Variants in IFT20 observed in about 807,000 individuals in gnomAD.
IFT20 encodes the protein intraflagellar transport 20.
IFT20 carries 4 observed loss-of-function variants against 16.9 expected under a neutral mutation model. The ratio of observed to expected loss-of-function variants is 0.24; its 90% confidence interval spans 0.12 to 0.54. The LOEUF is 0.54. IFT20 is among the 20% of genes least tolerant of loss of function. The pLI, the probability that IFT20 is intolerant of heterozygous loss-of-function variation, is 0.95. For synonymous variants in IFT20, 48 were observed against 49.9 expected (o/e 0.96, Z 0.16); for missense variants, 154 against 149.7 (o/e 1.03, Z -0.15).
intron 3 of IFT20, chr17:28,330,199 G>A: frequency 1.6e-6 from 1 of 615,096 alleles, no homozygotes; most frequent in Non-Finnish European, 2.9e-6. Context: ...TTGCACCAGT[G>A]CACTCCAGCC....
intron 3 of IFT20, 190 bp from the exon 4 acceptor site, chr17:28,329,466 C>T (rs1349270770): frequency 3.5e-6 from 2 of 567,176 alleles, no homozygotes; most frequent in African/African-American, 3.8e-5. Flanking sequence ...AACTAGACGG[C>T]AGCTTTGAGG....
intron 2 of IFT20, among the ~76,000 whole-genome samples, chr17:28,330,766 A>G (rs1555576463): frequency 1.3e-5 from 2 of 152,208 alleles, no homozygotes; most frequent in Admixed American, 1.3e-4. Flanking sequence ...GTGAACTGCC[A>G]CTGCATTCCA....
chr17:28,335,097 C>T (rs1555577148), intron 1 of IFT20, among the ~76,000 whole-genome samples: 1 of 152,168 alleles, frequency 6.6e-6, no homozygotes, highest in African/African-American at 2.4e-5. Flanking sequence ...CGAGGCACTG[C>T]GAGCCGACTC....
intron 2 of IFT20, 115 bp downstream of exon 2, chr17:28,331,744 C>T (rs1018351558): frequency 4.4e-6 from 6 of 1,373,144 alleles, no homozygotes; most frequent in Non-Finnish European, 6.1e-6. Context: ...TCACAGACGC[C>T]AGATTCAACC....
intron 1 of IFT20, among the ~76,000 whole-genome samples, chr17:28,333,468 T>G (rs1555576886): frequency 6.6e-6 from 1 of 152,156 alleles, no homozygotes; most frequent in Non-Finnish European, 1.5e-5. Flanking sequence ...AAATTTTAAG[T>G]AAGGGGGAAA....
intron 3 of IFT20, chr17:28,329,733 C>T (rs1906607993): frequency 6.1e-6 from 1 of 164,754 alleles, no homozygotes. Flanking sequence ...TGCAACCAGC[C>T]TGGCCAACAT....
intron 1 of IFT20, among the ~76,000 whole-genome samples, chr17:28,333,880 G>A (rs929437467): frequency 2.6e-5 from 4 of 151,952 alleles, no homozygotes; most frequent in South Asian, 2.1e-4. Flanking sequence ...GCAGTGAGCC[G>A]TGTTCACACC....
intron 1 of IFT20, among the ~76,000 whole-genome samples, chr17:28,334,975 A>G (rs1438550724): frequency 6.6e-6 from 1 of 152,046 alleles, no homozygotes; most frequent in Non-Finnish European, 1.5e-5. Context: ...ACCAACTCCC[A>G]TCACACGCGT....
chr17:28,333,072 AACACACACACAC>A (rs56753724), intron 1 of IFT20, among the ~76,000 whole-genome samples: 269 of 144,580 alleles, frequency 1.9e-3, no homozygotes, highest in Non-Finnish European at 2.9e-3. Flanking sequence ...TCTGGCTCAA[AACACACACACAC>A]ACACACACAC....
intron 1 of IFT20, among the ~76,000 whole-genome samples, chr17:28,334,825 G>A (rs1907028209): frequency 1.3e-5 from 2 of 152,238 alleles, no homozygotes; most frequent in Admixed American, 1.3e-4. Flanking sequence ...CTGAATGTGG[G>A]GGTTTGGGGA....
At chr17:28,333,145 G>T (rs1597788792) in intron 1 of IFT20, among the ~76,000 whole-genome samples, 1 of 150,288 alleles carries the variant, frequency 6.7e-6, no homozygotes, top group East Asian at 2.0e-4. Flanking sequence ...TTTAAAAAGG[G>T]AGGCAATGCT....
At position 28,330,546 on chromosome 17, in the gene IFT20, AAAAAT is replaced by A. The variant is rs782483012; in HGVS notation, c.128-23_128-19del. ...GCCAATTTCTTTTAGGAAAAGAACA[AAAAAT>A]AAAATATTTCCTTAGTATCATCACT... On this transcript the variant is annotated intron_variant, in intron 2 of 4. Coordinates refer to ENST00000395418, the MANE Select transcript of IFT20 (RefSeq NM_001267776.2). The A allele has an allele frequency of 1.4e-5, 22 of 1,541,102 alleles. No homozygotes were observed. Among genetic ancestry groups the A allele is most frequent in the Non-Finnish European group, 1.9e-5 (21 of 1,113,570 alleles).
At chr17:28,333,444 G>C (rs977154262) in intron 1 of IFT20, among the ~76,000 whole-genome samples, 2 of 152,154 alleles carry the variant, frequency 1.3e-5, no homozygotes, top group African/African-American at 2.4e-5. Flanking sequence ...CCTCAATGTT[G>C]GTATGTAATC....
At chr17:28,332,260 G>T (rs1555576707) in intron 1 of IFT20, 1 of 1,496,394 alleles carries the variant, frequency 6.7e-7, no homozygotes, top group Non-Finnish European at 9.0e-7. Context: ...CCGCTTGCTT[G>T]TCACAGGCAT....
At chr17:28,334,109 T>G (rs1906970082) in intron 1 of IFT20, among the ~76,000 whole-genome samples, 2 of 152,112 alleles carry the variant, frequency 1.3e-5, no homozygotes, top group Admixed American at 1.3e-4. Flanking sequence ...GACAGACTAG[T>G]GAAAACAATG....
intron 3 of IFT20, 73 bp from the exon 4 acceptor site, chr17:28,329,349 G>A (rs1310329135): frequency 4.2e-5 from 49 of 1,160,830 alleles, no homozygotes; most frequent in Non-Finnish European, 5.8e-5. Flanking sequence ...AGTGGGGAGG[G>A]GTTATCTGGG....
chr17:28,334,456 A>G (rs1177452388), intron 1 of IFT20, among the ~76,000 whole-genome samples: 1 of 152,284 alleles, frequency 6.6e-6, no homozygotes, highest in Non-Finnish European at 1.5e-5. Flanking sequence ...CAGCTGGATC[A>G]CCGAAGGCTC....
intron 1 of IFT20, among the ~76,000 whole-genome samples, chr17:28,334,652 C>T (rs922003417): frequency 1.3e-5 from 2 of 152,272 alleles, no homozygotes; most frequent in East Asian, 3.8e-4. Context: ...ACCCTAGCAC[C>T]TAGCATGGTG....
chr17:28,331,892 C>G lies in IFT20; in HGVS notation c.94G>C (p.Glu32Gln). The G allele has an allele frequency of 1.2e-6, 2 of 1,614,174 alleles. No individual in the cohort carries two copies. The highest frequency in any genetic ancestry group is 1.7e-6 in the Non-Finnish European group (2 of 1,180,004). ...LDPEVTQQTI[E>Q]LKEECKDFVD... ...AAGTCTTTGCACTCTTCCTTCAGCT[C>G]TATGGTCTGCTGGGTAACCTCTGGG... The change falls in exon 2 of 5, where the codon GAG becomes CAG. Residue 32 changes from glutamate to glutamine, a missense_variant. Physicochemically the swap from Glu to Gln is conservative, Grantham distance 29 (BLOSUM62 2). Transcript: ENST00000395418.
Sources: allele counts gnomAD v4.1 joint callset (sites outside exome capture counted in the v4.1 genomes callset), GRCh38; gene constraint gnomAD v4.1.1; transcripts MANE v1.5; gene names NCBI Gene and HGNC (gene_info 2026-07-23, HGNC 2026-07-21).